RAPGEF5: variants seen among roughly 807,000 people sequenced by gnomAD.
The protein encoded by RAPGEF5 is M-Ras-regulated GEF.
RAPGEF5 carries 65 observed loss-of-function variants against 125.2 expected under a neutral mutation model. The observed-to-expected ratio is 0.52, with a 90% CI of 0.43 to 0.64. The LOEUF is 0.64. Ranked by LOEUF, RAPGEF5 falls within the 30% of genes least tolerant of loss-of-function variation. The pLI, the probability that RAPGEF5 is intolerant of heterozygous loss-of-function variation, is 0.00. For missense variants in RAPGEF5, 958 were observed against 1,048.1 expected (o/e 0.91, Z 1.19); for synonymous variants, 391 against 385.9 (o/e 1.01, Z -0.16).
At chr7:22,211,382 G>T (rs1420099479) in intron 9 of RAPGEF5, among the ~76,000 whole-genome samples, 2 of 152,156 alleles carry the variant, frequency 1.3e-5, no homozygotes, top group East Asian at 3.9e-4. Flanking sequence ...ATTAACAAAA[G>T]ATATTCACAT....
intron 7 of RAPGEF5, among the ~76,000 whole-genome samples, chr7:22,236,501 T>C (rs1281285433): frequency 6.6e-6 from 1 of 152,206 alleles, no homozygotes; most frequent in Non-Finnish European, 1.5e-5. Flanking sequence ...TTCCTGCTCC[T>C]GGGATATTTC....
intron 6 of RAPGEF5, among the ~76,000 whole-genome samples, chr7:22,272,840 T>A (rs554828638): frequency 6.6e-6 from 1 of 152,298 alleles, no homozygotes; most frequent in South Asian, 2.1e-4. Context: ...CACTGCAACC[T>A]CTGCCTTCTG....
At chr7:22,245,908 A>T (rs776941487) in intron 7 of RAPGEF5, among the ~76,000 whole-genome samples, 31 of 152,282 alleles carry the variant, frequency 2.0e-4, no homozygotes, top group Non-Finnish European at 3.2e-4. Flanking sequence ...GATGTACATA[A>T]AACAGTAGCA....
At chr7:22,196,934 G>C (rs1048417179) in intron 9 of RAPGEF5, among the ~76,000 whole-genome samples, 1 of 152,180 alleles carries the variant, frequency 6.6e-6, no homozygotes, top group Non-Finnish European at 1.5e-5. Context: ...GAACAGTAAA[G>C]AGGCAGAACT....
chr7:22,291,393 A>G (rs1355513008), intron 5 of RAPGEF5, among the ~76,000 whole-genome samples, 152 bp from the exon 6 acceptor site: 1 of 152,254 alleles, frequency 6.6e-6, no homozygotes, highest in East Asian at 1.9e-4. Context: ...GTAACTCCAT[A>G]GGAACATAAT....
intron 6 of RAPGEF5, among the ~76,000 whole-genome samples, chr7:22,282,249 A>G (rs1006874854): frequency 6.6e-6 from 1 of 152,188 alleles, no homozygotes; most frequent in Non-Finnish European, 1.5e-5. Flanking sequence ...GCACACATGG[A>G]CCAAGCTGTA....
chr7:22,338,180 G>A (rs1413531701), intron 1 of RAPGEF5, among the ~76,000 whole-genome samples: 1 of 152,172 alleles, frequency 6.6e-6, no homozygotes, highest in Non-Finnish European at 1.5e-5. Flanking sequence ...TCAAAACCAG[G>A]TAAGCCTATT....
In RAPGEF5 at chr7:22,121,073, A is replaced by T. The variant is rs2128095344; in HGVS notation, c.*1333T>A. The stretch of plus-strand genomic sequence containing the variant: ...ACAAGTATCTAGCAGGCAGGGGTGG[A>T]TTTCATTATTTTGACCCATAGGCTG... On this transcript the variant is annotated 3_prime_UTR_variant, in exon 26 of 26. Coordinates refer to ENST00000665637, the MANE Select transcript of RAPGEF5 (RefSeq NM_012294.5). 1 of 152,242 alleles carries T rather than the reference A, an allele frequency of 6.6e-6. No individual in the cohort carries two copies. Among genetic ancestry groups the T allele is most frequent in the Admixed American group, 6.5e-5 (1 of 15,292 alleles). The allele number at this position is 152,242 out of a possible 1,614,324, so 9.4% of individuals were successfully genotyped here.
chr7:22,219,687 G>A (rs12534735), intron 9 of RAPGEF5, among the ~76,000 whole-genome samples, 179 bp downstream of exon 9: 12,075 of 151,842 alleles, frequency 0.08, 581 homozygotes, highest in Middle Eastern at 0.11. Context: ...TGTGTCATAA[G>A]CCACTTGCTT....
chr7:22,280,278 A>G (rs912080979), intron 6 of RAPGEF5, among the ~76,000 whole-genome samples: 5 of 152,206 alleles, frequency 3.3e-5, no homozygotes, highest in Non-Finnish European at 7.3e-5. Flanking sequence ...ACCTTTCTTG[A>G]TATGGCGTCA....
intron 1 of RAPGEF5, among the ~76,000 whole-genome samples, chr7:22,324,035 T>G (rs1375143242): frequency 6.6e-6 from 1 of 151,940 alleles, no homozygotes; most frequent in Non-Finnish European, 1.5e-5. Flanking sequence ...TATCAAAGTA[T>G]CTCCCGCCGA....
At chr7:22,221,968 C>A (rs549119532) in intron 8 of RAPGEF5, among the ~76,000 whole-genome samples, 2 of 152,156 alleles carry the variant, frequency 1.3e-5, no homozygotes, top group African/African-American at 2.4e-5. Context: ...AAGTTCTGGC[C>A]GGGTGCAGTG....
Position 22,120,834 on chromosome 7 carries a change from T to C in RAPGEF5, c.*1572A>G, listed in dbSNP as rs542273386. ...TTCCAGCAGTATCTCAAGCTCAGTGTGGTTCCTGAGCCCAGGAAACAGCAC... is the reference window on the plus strand; with the variant it reads ...TTCCAGCAGTATCTCAAGCTCAGTGCGGTTCCTGAGCCCAGGAAACAGCAC... On this transcript the variant is annotated 3_prime_UTR_variant, in exon 26 of 26. Transcript: ENST00000665637. This position sits in a 1 kb window ranked among gnomAD's most constrained non-coding sequence, Gnocchi z 4.0. 1 of 152,330 alleles carries C rather than the reference T, an allele frequency of 6.6e-6. No individual in the cohort carries two copies. Among genetic ancestry groups the C allele is most frequent in the Admixed American group, 6.5e-5 (1 of 15,294 alleles). The allele number at this position is 152,330 out of a possible 1,614,324, so 9.4% of individuals were successfully genotyped here.
chr7:22,335,389 G>A (rs1263388162), intron 1 of RAPGEF5, among the ~76,000 whole-genome samples: 1 of 152,156 alleles, frequency 6.6e-6, no homozygotes, highest in Non-Finnish European at 1.5e-5. Flanking sequence ...GATAAAGGGA[G>A]TAAACTCTCT....
chr7:22,253,437 G>C (rs1195816000), intron 7 of RAPGEF5, among the ~76,000 whole-genome samples: 2 of 152,192 alleles, frequency 1.3e-5, no homozygotes, highest in Non-Finnish European at 2.9e-5. Context: ...AATCAATTCT[G>C]AGAGGATCCT....
chr7:22,267,117 A>T (rs1782302406), intron 6 of RAPGEF5, 105 bp from the exon 7 acceptor site: 2 of 1,111,214 alleles, frequency 1.8e-6, no homozygotes, highest in Non-Finnish European at 2.5e-6. Context: ...GAGCTGTTTC[A>T]ATTAAACCTA....
chr7:22,282,045 T>C (rs1320507128), intron 6 of RAPGEF5, among the ~76,000 whole-genome samples: 1 of 152,218 alleles, frequency 6.6e-6, no homozygotes, highest in Admixed American at 6.5e-5. Context: ...TCTAATTAGA[T>C]TGCTATTAAT....
intron 25 of RAPGEF5, among the ~76,000 whole-genome samples, chr7:22,123,116 C>T (rs768798470): frequency 6.6e-5 from 10 of 152,058 alleles, no homozygotes; most frequent in Non-Finnish European, 1.5e-4. Context: ...GGTTAACAGA[C>T]GAAATAGCTT....
chr7:22,320,627 T>A (rs145771290), intron 1 of RAPGEF5, among the ~76,000 whole-genome samples: 10 of 152,312 alleles, frequency 6.6e-5, no homozygotes, highest in Non-Finnish European at 1.3e-4. Context: ...CTCAGCTGTT[T>A]TCATCCCATC....
Sources: allele counts gnomAD v4.1 joint callset (sites outside exome capture counted in the v4.1 genomes callset), GRCh38; gene constraint gnomAD v4.1.1; non-coding constraint Gnocchi (gnomAD v3.1); transcripts MANE v1.5; gene names NCBI Gene and HGNC (gene_info 2026-07-23, HGNC 2026-07-21).